Variants in ZFP14 observed in about 807,000 individuals in gnomAD.
The protein encoded by ZFP14 is ZFP14 zinc finger protein.
A neutral mutation model predicts 54.5 loss-of-function variants in ZFP14; 22 were observed. The observed-to-expected ratio is 0.40, with a 90% CI of 0.29 to 0.58. ZFP14 has a LOEUF of 0.58. Ranked by LOEUF, ZFP14 falls within the 20% of genes least tolerant of loss-of-function variation. The pLI is 0.39. For missense variants in ZFP14, 470 were observed against 637.8 expected (o/e 0.74, Z 2.83); for synonymous variants, 159 against 204.0 (o/e 0.78, Z 1.88).
At chr19:36,368,977 G>T (rs1445290384) in intron 1 of ZFP14, among the ~76,000 whole-genome samples, 1 of 152,112 alleles carries the variant, frequency 6.6e-6, no homozygotes, top group African/African-American at 2.4e-5. Flanking sequence ...CTGAGTACAG[G>T]TACATGCCAC....
chr19:36,368,288 C>T (rs1464223820), intron 1 of ZFP14, among the ~76,000 whole-genome samples: 1 of 152,098 alleles, frequency 6.6e-6, no homozygotes, highest in Admixed American at 6.6e-5. Flanking sequence ...GACCAACATG[C>T]AGAAACCCTG....
Position 36,353,918 on chromosome 19 carries a change from T to G in ZFP14, c.235+6517A>C, listed in dbSNP as rs1414159377. The stretch of plus-strand genomic sequence containing the variant: ...GCAAAACTCCCGTCTCTACAAAAAA[T>G]ACAAAAATTTTCCAGCGGTGGTGGC... On this transcript the variant is annotated intron_variant, in intron 4 of 4. Transcript: ENST00000270001. 2.3e-5 allele frequency among the ~76,000 whole-genome samples: 3 copies of G among 130,640 alleles called. 1 individual carries two copies. The highest frequency in any genetic ancestry group is 8.6e-5 in the African/African-American group (3 of 34,970). 85.7% of individuals were successfully genotyped at this position (130,640 alleles called of 152,430 possible).
chr19:36,352,056 C>T (rs1187760474), intron 4 of ZFP14, among the ~76,000 whole-genome samples: 4 of 140,014 alleles, frequency 2.9e-5, no homozygotes, highest in Non-Finnish European at 4.7e-5. Context: ...TGGTGGTGAG[C>T]GCCTGTAGTC....
At chr19:36,344,615 G>A (rs191880696) in intron 4 of ZFP14, among the ~76,000 whole-genome samples, 260 of 152,288 alleles carry the variant, frequency 1.7e-3, no homozygotes, top group Non-Finnish European at 2.9e-3. Flanking sequence ...GAACCGGGCT[G>A]CACAGCAGAA....
At chr19:36,359,046 A>T (rs928078378) in intron 4 of ZFP14, among the ~76,000 whole-genome samples, 11 of 152,216 alleles carry the variant, frequency 7.2e-5, no homozygotes, top group Non-Finnish European at 1.3e-4. Flanking sequence ...GGCCCTCAAT[A>T]GACACAGCCC....
intron 1 of ZFP14, among the ~76,000 whole-genome samples, chr19:36,373,761 A>C (rs112413362): frequency 0.011 from 1,635 of 151,964 alleles, 28 homozygotes; most frequent in African/African-American, 0.037. Flanking sequence ...AAAATTTTAA[A>C]AATTAGCCGG....
rs773422437 is a variant in ZFP14, at chr19:36,360,501, A to C, written c.169T>G (p.Leu57Val). 6.2e-7 allele frequency: 1 copy of C among 1,613,638 alleles called. No homozygotes were observed. Among genetic ancestry groups the C allele is most frequent in the Non-Finnish European group, 8.5e-7 (1 of 1,179,722 alleles). ...GGTTCCTTCCTTTCTTCATCCAATA[A>C]GGTAATCACATCTGGTTTAGAAATG... ...PSISKPDVIT[L>V]LDEERKEPGM... Residue 57 changes from leucine (L) to valine (V), a missense_variant, in exon 4 of 5, where the codon TTA becomes GTA. Coordinates refer to ENST00000270001, the MANE Select transcript of ZFP14 (RefSeq NM_020917.3).
chr19:36,369,965 G>A (rs150635520), intron 1 of ZFP14, among the ~76,000 whole-genome samples: 123 of 152,244 alleles, frequency 8.1e-4, no homozygotes, highest in African/African-American at 2.9e-3. Flanking sequence ...TTCCCAAGCA[G>A]TTGGGACTAT....
rs768254377 is a variant in ZFP14 at position 36,352,809 on chromosome 19, C to T, written c.235+7626G>A. 1.2e-4 allele frequency among the ~76,000 whole-genome samples: 17 copies of T among 142,064 alleles called. 2 individuals carry two copies. Among genetic ancestry groups the T allele is most frequent in the Non-Finnish European group, 2.5e-4 (16 of 64,058 alleles). The allele number at this position is 142,064 out of a possible 152,430, so 93.2% of individuals were successfully genotyped here. A position where few individuals can be genotyped will look rare whatever the true frequency, so the allele number is the denominator to read the frequency against. Reference sequence around the variant, plus strand: ...ATAAAAAATTAGCCGGGCGTGGTGGCAGGCGCCTGTAGTCCCAGCTACTTG... The same window carrying T: ...ATAAAAAATTAGCCGGGCGTGGTGGTAGGCGCCTGTAGTCCCAGCTACTTG... On this transcript the variant is annotated intron_variant, in intron 4 of 4. Coordinates refer to ENST00000270001, the MANE Select transcript of ZFP14 (RefSeq NM_020917.3).
At chr19:36,346,871 G>A (rs775755906) in intron 4 of ZFP14, among the ~76,000 whole-genome samples, 1 of 152,196 alleles carries the variant, frequency 6.6e-6, no homozygotes, top group Non-Finnish European at 1.5e-5. Flanking sequence ...TAGAGATAAC[G>A]TCTCTGTCTG....
intron 1 of ZFP14, 126 bp from the exon 2 acceptor site, chr19:36,368,097 C>A (rs753016387): frequency 3.8e-6 from 2 of 531,416 alleles, no homozygotes; most frequent in African/African-American, 1.9e-5. Context: ...TTGGCTTTTC[C>A]AAAGTACCAC....
intron 2 of ZFP14, chr19:36,362,806 T>A (rs2031730243): frequency 3.3e-6 from 1 of 300,572 alleles, no homozygotes; most frequent in Non-Finnish European, 6.6e-6. Flanking sequence ...AAAACATTGA[T>A]AAAAATTTAT....
rs541842965 is a variant in ZFP14, at chr19:36,355,942, TC to T, written c.235+4492del. Among the ~76,000 whole-genome samples, 190 of 142,230 alleles carry T rather than the reference TC, an allele frequency of 1.3e-3. 19 individuals carry two copies. Among genetic ancestry groups the T allele is most frequent in the African/African-American group, 4.4e-3 (171 of 38,870 alleles). 93.3% of individuals were successfully genotyped at this position (142,230 alleles called of 152,430 possible). Reference sequence around the variant, plus strand: ...ATAGAGATGAAACTGTAGTCACCGATCAAAAAAAAGAGTAGCCCCTCTCTTT... The same window carrying T: ...ATAGAGATGAAACTGTAGTCACCGATAAAAAAAAGAGTAGCCCCTCTCTTT... On this transcript the variant is annotated intron_variant, in intron 4 of 4. Transcript: ENST00000270001.
At chr19:36,375,384 A>ATT (rs747537579) in intron 1 of ZFP14, among the ~76,000 whole-genome samples, 8 of 128,742 alleles carry the variant, frequency 6.2e-5, no homozygotes, top group African/African-American at 8.9e-5. Flanking sequence ...GCAGGAAGGA[A>ATT]TTTTTTTTTT....
In ZFP14 at chr19:36,340,840, A is replaced by G; in HGVS notation, c.986T>C (p.Val329Ala). Residue 329 changes from valine to alanine, a missense_variant, in exon 5 of 5, where the codon GTA becomes GCA. By Grantham distance (64) the Val-to-Ala change is moderately conservative. Coordinates refer to ENST00000270001, the MANE Select transcript of ZFP14 (RefSeq NM_020917.3). This position sits in a 1 kb window ranked among gnomAD's most constrained non-coding sequence, Gnocchi z 5.4. The stretch of plus-strand genomic sequence containing the variant: ...CTCACCAAAATGAATTTTCTGATGT[A>G]CTCTAAGGTCTGGACCACATACGAA... ...KAFVCGPDLRVHQKIHFGEKP... is the reference protein window; with the variant it reads ...KAFVCGPDLRAHQKIHFGEKP... 5 of 1,611,106 alleles carry G rather than the reference A, an allele frequency of 3.1e-6. No homozygotes were observed. The highest frequency in any genetic ancestry group is 4.2e-6 in the Non-Finnish European group (5 of 1,179,228).
chr19:36,371,294 T>A (rs2031874375), intron 1 of ZFP14, among the ~76,000 whole-genome samples: 1 of 151,980 alleles, frequency 6.6e-6, no homozygotes, highest in Admixed American at 6.6e-5. Context: ...ATAACTGTTT[T>A]AAGGAAGTTC....
At chr19:36,367,610 G>T (rs968767703) in intron 2 of ZFP14, among the ~76,000 whole-genome samples, 1 of 151,920 alleles carries the variant, frequency 6.6e-6, no homozygotes, top group Non-Finnish European at 1.5e-5. Flanking sequence ...CCTCCTGGGC[G>T]CCTGCCACCA....
At chr19:36,378,428 C>T (rs2031996913) in intron 1 of ZFP14, 2 of 152,220 alleles carry the variant, frequency 1.3e-5, no homozygotes. Flanking sequence ...TTATCTGTCT[C>T]TTCCTTCCTA....
At chr19:36,357,812 G>A (rs1012003841) in intron 4 of ZFP14, among the ~76,000 whole-genome samples, 3 of 151,180 alleles carry the variant, frequency 2.0e-5, no homozygotes, top group Non-Finnish European at 2.9e-5. Flanking sequence ...GTGTGATCTC[G>A]GCTCACTGCA....
Sources: allele counts gnomAD v4.1 joint callset (sites outside exome capture counted in the v4.1 genomes callset), GRCh38; gene constraint gnomAD v4.1.1; non-coding constraint Gnocchi (gnomAD v3.1); transcripts MANE v1.5; gene names NCBI Gene and HGNC (gene_info 2026-07-23, HGNC 2026-07-21).